PDE11A: variants seen among roughly 807,000 people sequenced by gnomAD.
The protein encoded by PDE11A is phosphodiesterase 11A.
A neutral mutation model predicts 100.5 loss-of-function variants in PDE11A; 100 were observed. The observed-to-expected ratio is 1.00, with a 90% confidence interval of 0.85 to 1.18. PDE11A has a LOEUF of 1.18. Ranked by LOEUF, PDE11A falls within the 50% of genes most tolerant of loss-of-function variation. The probability of loss-of-function intolerance (pLI) is 0.00; values close to 1 mark genes in which losing one functional copy is unlikely to be tolerated. For synonymous variants in PDE11A, 381 were observed against 420.8 expected, an observed-to-expected ratio of 0.91 and a Z score of 1.16; for missense variants, 1,141 against 1,152.6, an observed-to-expected ratio of 0.99 and a Z score of 0.15.
At chr2:177,936,419 A>T (rs1206727921) in intron 2 of PDE11A, among the ~76,000 whole-genome samples, 4 of 152,196 alleles carry the variant, frequency 2.6e-5, no homozygotes, top group Non-Finnish European at 5.9e-5. Context: ...GTTTGGAACC[A>T]AGGCCAGAAA....
chr2:177,956,032 T>C (rs979001795), intron 2 of PDE11A, among the ~76,000 whole-genome samples: 1 of 150,854 alleles, frequency 6.6e-6, no homozygotes, highest in Non-Finnish European at 1.5e-5. Context: ...ACCAAAAGCA[T>C]GGCGACAAAA....
At chr2:177,715,603 T>C (rs2081426866) in intron 12 of PDE11A, among the ~76,000 whole-genome samples, 1 of 152,142 alleles carries the variant, frequency 6.6e-6, no homozygotes. Flanking sequence ...ATATAGGTCT[T>C]TCCTCTTACT....
At chr2:177,919,901 T>C (rs1363635553) in intron 2 of PDE11A, among the ~76,000 whole-genome samples, 3 of 152,142 alleles carry the variant, frequency 2.0e-5, no homozygotes, top group East Asian at 3.9e-4. Flanking sequence ...CAAAACAGAA[T>C]AGTACTAAGG....
chr2:177,853,950 A>C (rs1042155929), intron 5 of PDE11A, among the ~76,000 whole-genome samples: 2 of 148,556 alleles, frequency 1.3e-5, no homozygotes, highest in Admixed American at 6.8e-5. Flanking sequence ...ATATATATCT[A>C]TATATATGTG....
intron 12 of PDE11A, among the ~76,000 whole-genome samples, chr2:177,717,665 C>G (rs1320565261): frequency 6.6e-6 from 1 of 152,060 alleles, no homozygotes; most frequent in Non-Finnish European, 1.5e-5. Context: ...CATGTCACCC[C>G]CTCCAGCAAA....
chr2:178,071,091 T>C (rs543738129), intron 1 of PDE11A, among the ~76,000 whole-genome samples: 1 of 152,336 alleles, frequency 6.6e-6, no homozygotes, highest in African/African-American at 2.4e-5. Flanking sequence ...GAATGAAGCA[T>C]TATGGTCCCC....
chr2:178,049,897 C>T (rs569865313), intron 1 of PDE11A, among the ~76,000 whole-genome samples: 6 of 152,312 alleles, frequency 3.9e-5, no homozygotes, highest in African/African-American at 1.4e-4. Flanking sequence ...GGAAGCCTGC[C>T]TGCCTCTGTA....
chr2:177,998,754 T>C (rs972085650), intron 2 of PDE11A: 13 of 816,310 alleles, frequency 1.6e-5, no homozygotes, highest in Non-Finnish European at 2.7e-5. Context: ...GCCGTAAAGC[T>C]CCTCTACCAT....
chr2:177,737,056 A>G (rs1574092694), intron 10 of PDE11A, among the ~76,000 whole-genome samples: 3 of 19,112 alleles, frequency 1.6e-4, no homozygotes, highest in Non-Finnish European at 1.1e-3. Context: ...GCCTGACAAA[A>G]TGGAGAAACC....
intron 1 of PDE11A, among the ~76,000 whole-genome samples, chr2:178,040,634 TG>T (rs2086671930): frequency 6.6e-6 from 1 of 152,212 alleles, no homozygotes; most frequent in South Asian, 2.1e-4. Context: ...AGGAACACTG[TG>T]GCTAAACCAC....
intron 2 of PDE11A, among the ~76,000 whole-genome samples, chr2:178,005,192 C>CG (rs544470388): frequency 9.6e-4 from 146 of 152,024 alleles, no homozygotes; most frequent in South Asian, 6.0e-3. Context: ...AAGAGTCAGT[C>CG]ACAATTTATC....
chr2:178,022,663 G>A (rs1333540450), intron 1 of PDE11A, among the ~76,000 whole-genome samples: 1 of 152,110 alleles, frequency 6.6e-6, no homozygotes, highest in African/African-American at 2.4e-5. Flanking sequence ...GGCAAAAAAT[G>A]TGCTTGTTTC....
chr2:177,635,187 C>T lies in PDE11A; in HGVS notation c.2647-5625G>A, dbSNP rs560526995. 3.7e-4 allele frequency among the ~76,000 whole-genome samples: 56 copies of T among 152,202 alleles called. 1 individual carries two copies. The highest frequency in any genetic ancestry group is 6.6e-4 in the Non-Finnish European group (45 of 68,032). On this transcript the variant is annotated intron_variant, in intron 19 of 19. Transcript: ENST00000286063. ...TTATGTTGGACTGAAATCTATACCC[C>T]TGTAACTTCTACCTAATGGTTCTAA...
At chr2:177,830,641 AATAATAATC>A (rs1020364957) in intron 6 of PDE11A, among the ~76,000 whole-genome samples, 12 of 99,880 alleles carry the variant, frequency 1.2e-4, no homozygotes, top group African/African-American at 3.4e-4. Context: ...TAATAATAAT[AATAATAATC>A]AGGTGTTGTT....
chr2:177,922,632 T>C, intron 2 of PDE11A: 1 of 934,386 alleles, frequency 1.1e-6, no homozygotes, highest in Non-Finnish European at 1.3e-6. Flanking sequence ...TTTTACCTGT[T>C]AGTTATGTCT....
chr2:177,733,573 G>A (rs1288553306), intron 10 of PDE11A, among the ~76,000 whole-genome samples: 8 of 152,172 alleles, frequency 5.3e-5, no homozygotes, highest in African/African-American at 1.9e-4. Context: ...CAGAAAATGG[G>A]AAGAAACAAC....
In PDE11A at chr2:177,849,853, G is replaced by A. The variant is rs545394358; in HGVS notation, c.1368-9470C>T. On this transcript the variant is annotated intron_variant, in intron 5 of 19. Coordinates refer to ENST00000286063, the MANE Select transcript of PDE11A (RefSeq NM_016953.4). ...GGAATGTGAAGGACCTCTTCAAGGA[G>A]AACTAAAACCACTGCTCAATGAAAT... 1.4e-4 allele frequency among the ~76,000 whole-genome samples: 21 copies of A among 151,380 alleles called. No individual in the cohort carries two copies. In the Middle Eastern group the frequency reaches 0.01, roughly 75 times the overall value.
intron 2 of PDE11A, among the ~76,000 whole-genome samples, chr2:177,977,220 C>G (rs1385543657): frequency 3.2e-5 from 3 of 93,242 alleles, no homozygotes; most frequent in African/African-American, 8.2e-5. Context: ...TCTCCTTAAG[C>G]TGATAAGCAA....
At chr2:178,075,532 ACAGAGTGAGACTCTGTCT>A (rs574391854), upstream of PDE11A, among the ~76,000 whole-genome samples, 843 of 144,734 alleles carry the variant, frequency 5.8e-3, 2 homozygotes, top group Admixed American at 0.01. Context: ...AGCCTGGGCA[ACAGAGTGAGACTCTGTCT>A]CAAAAAAAAA....
Sources: gnomAD v4.1 joint callset for allele counts (sites outside exome capture counted in the v4.1 genomes callset) on GRCh38, gnomAD v4.1.1 for gene constraint, MANE v1.5 for transcripts, NCBI Gene and HGNC (gene_info 2026-07-23, HGNC 2026-07-21) for gene names.